GLIS3: variants seen among roughly 807,000 people sequenced by gnomAD.
GLIS3 encodes zinc finger protein GLIS3.
Under a neutral mutation model 78.6 loss-of-function variants are expected in GLIS3, and 53 were observed. The ratio of observed to expected loss-of-function variants is 0.67; its 90% CI spans 0.54 to 0.85. The LOEUF (loss-of-function observed/expected upper bound fraction) is 0.85. GLIS3 is among the 40% of genes least tolerant of loss of function. The pLI, the probability that GLIS3 is intolerant of heterozygous loss-of-function variation, is 0.00. For missense variants in GLIS3, 1,703 were observed against 1,231.1 expected (o/e 1.38, Z -5.74); for synonymous variants, 684 against 509.9 (o/e 1.34, Z -4.60).
chr9:3,824,205 G>A lies in GLIS3; in HGVS notation c.*4067C>T, dbSNP rs1288595542. The stretch of plus-strand genomic sequence containing the variant: ...TTTATGGACACTCCCAACATGTAAA[G>A]GACTCAGGGAGACATTCATTTTTAC... On this transcript the variant is annotated 3_prime_UTR_variant, in exon 11 of 11. Transcript: ENST00000381971. 6.6e-6 allele frequency: 1 copy of A among 152,560 alleles called. No individual in the cohort carries two copies. The highest frequency in any genetic ancestry group is 1.5e-5 in the Non-Finnish European group (1 of 68,028). The allele number at this position is 152,560 out of a possible 1,614,324, so 9.5% of individuals were successfully genotyped here.
chr9:3,883,657 C>T lies in GLIS3; in HGVS notation c.2129-4062G>A, dbSNP rs184808688. Among the ~76,000 whole-genome samples the T allele has an allele frequency of 6.4e-3, 979 of 152,274 alleles. 9 individuals carry two copies. Among genetic ancestry groups the T allele is most frequent in the Non-Finnish European group, 0.011 (715 of 68,024 alleles). On this transcript the variant is annotated intron_variant, in intron 7 of 10. Transcript: ENST00000381971. ...ACAAAACTGTTGTCATCAAATCAGC[C>T]GACACACACAGGCTGCCCACAGGAG...
chr9:3,885,127 G>A (rs1279226702), intron 7 of GLIS3, among the ~76,000 whole-genome samples: 1 of 152,208 alleles, frequency 6.6e-6, no homozygotes, highest in Non-Finnish European at 1.5e-5. Flanking sequence ...ATTTGGTTTA[G>A]AAAGCAAACA....
At chr9:4,293,768 A>T (rs1816233503) in intron 1 of GLIS3, among the ~76,000 whole-genome samples, 1 of 152,234 alleles carries the variant, frequency 6.6e-6, no homozygotes, top group Admixed American at 6.5e-5. Context: ...AGCATAGGAC[A>T]GGATCTGATC....
intron 10 of GLIS3, among the ~76,000 whole-genome samples, chr9:3,828,631 GAGA>G (rs1377669896): frequency 6.6e-6 from 1 of 152,232 alleles, no homozygotes; most frequent in Non-Finnish European, 1.5e-5. Context: ...AAGACAGGCT[GAGA>G]AGAAGTAAAA....
intron 2 of GLIS3, among the ~76,000 whole-genome samples, chr9:4,150,395 T>A (rs1377462528): frequency 6.6e-6 from 1 of 152,188 alleles, no homozygotes; most frequent in Admixed American, 6.5e-5. Context: ...GCCAGCCATA[T>A]GGAGGCAAGA....
chr9:4,390,850 TA>T, the GLIS3 span, among the ~76,000 whole-genome samples: 1 of 152,196 alleles, frequency 6.6e-6, no homozygotes, highest in Non-Finnish European at 1.5e-5. Flanking sequence ...AAGATTCATG[TA>T]TGACCCAAAG....
chr9:3,965,766 C>A (rs904593728), intron 4 of GLIS3, among the ~76,000 whole-genome samples: 10 of 152,146 alleles, frequency 6.6e-5, no homozygotes, highest in African/African-American at 2.4e-4. Flanking sequence ...CAGGTGATGA[C>A]CCAGAGCTAC....
intron 8 of GLIS3, chr9:3,878,684 G>T (rs538377979): frequency 6.6e-6 from 1 of 152,258 alleles, no homozygotes; most frequent in Non-Finnish European, 1.5e-5. Flanking sequence ...GTGACAAGAG[G>T]TGTGTTGGAC....
intron 4 of GLIS3, among the ~76,000 whole-genome samples, chr9:4,015,888 CAAAA>C (rs1049791263): frequency 6.5e-4 from 21 of 32,248 alleles, no homozygotes; most frequent in Middle Eastern, 0.016. Flanking sequence ...GACTCTGTCT[CAAAA>C]AAAAAAAAAA....
chr9:4,319,950 G>A (rs1484866099), intron 2 of GLIS3, among the ~76,000 whole-genome samples: 1 of 151,826 alleles, frequency 6.6e-6, no homozygotes, highest in African/African-American at 2.4e-5. Flanking sequence ...TCGGCCTATA[G>A]AATTGGTCCT....
At chr9:3,912,413 T>C (rs1824215369) in intron 6 of GLIS3, among the ~76,000 whole-genome samples, 1 of 152,090 alleles carries the variant, frequency 6.6e-6, no homozygotes, top group Non-Finnish European at 1.5e-5. Context: ...CTAAAACATA[T>C]TAGAAACCAG....
intron 2 of GLIS3, among the ~76,000 whole-genome samples, chr9:4,210,303 A>T (rs1374669591): frequency 6.6e-6 from 1 of 152,208 alleles, no homozygotes; most frequent in Non-Finnish European, 1.5e-5. Flanking sequence ...CCAACCAGAA[A>T]GTAACCATCA....
At chr9:4,245,451 A>G (rs545750489) in intron 2 of GLIS3, among the ~76,000 whole-genome samples, 6 of 152,370 alleles carry the variant, frequency 3.9e-5, no homozygotes, top group African/African-American at 1.2e-4. Context: ...GAACCATAAC[A>G]CTAGACCTAC....
intron 4 of GLIS3, among the ~76,000 whole-genome samples, chr9:4,113,617 T>C (rs560699100): frequency 6.6e-6 from 1 of 152,316 alleles, no homozygotes; most frequent in South Asian, 2.1e-4. Flanking sequence ...CTGAGTCTTA[T>C]CAGAATAAAA....
intron 2 of GLIS3, among the ~76,000 whole-genome samples, chr9:4,150,634 T>C (rs1834605203): frequency 6.6e-6 from 1 of 152,232 alleles, no homozygotes; most frequent in Non-Finnish European, 1.5e-5. Flanking sequence ...GAATAGATGA[T>C]GAAACAATTT....
At chr9:4,062,202 C>T (rs1288682723) in intron 4 of GLIS3, among the ~76,000 whole-genome samples, 3 of 152,210 alleles carry the variant, frequency 2.0e-5, no homozygotes, top group East Asian at 1.9e-4. Flanking sequence ...TAAAATGATA[C>T]ATTACCCCTG....
At chr9:3,968,995 G>A (rs1185502941) in intron 4 of GLIS3, among the ~76,000 whole-genome samples, 2 of 152,092 alleles carry the variant, frequency 1.3e-5, no homozygotes, top group Admixed American at 6.5e-5. Flanking sequence ...CCATCAAAAC[G>A]GCTTGGCTTT....
intron 4 of GLIS3, among the ~76,000 whole-genome samples, chr9:3,971,467 A>G (rs1032137606): frequency 1.3e-5 from 2 of 152,198 alleles, no homozygotes; most frequent in African/African-American, 4.8e-5. Flanking sequence ...AAAATTCTAA[A>G]TAAGCCATTG....
At chr9:4,058,699 C>G (rs1826350671) in intron 4 of GLIS3, among the ~76,000 whole-genome samples, 1 of 151,996 alleles carries the variant, frequency 6.6e-6, no homozygotes, top group Admixed American at 6.6e-5. Context: ...GTAAAAGAAC[C>G]ATAGAGTGCG....
Sources: allele counts gnomAD v4.1 joint callset (sites outside exome capture counted in the v4.1 genomes callset), GRCh38; gene constraint gnomAD v4.1.1; transcripts MANE v1.5; gene names NCBI Gene and HGNC (gene_info 2026-07-23, HGNC 2026-07-21).